The following SLC1A2 variants were observed in gnomAD, a reference collection of about 807,000 sequenced individuals.
SLC1A2 encodes the protein solute carrier family 1 member 2, also known as excitatory amino acid transporter 2.
Under a neutral mutation model 48.8 loss-of-function variants are expected in SLC1A2, and 15 were observed. The observed-to-expected ratio is 0.31, with a 90% CI of 0.21 to 0.47. The LOEUF (loss-of-function observed/expected upper bound fraction) is 0.47, where lower values mean the gene tolerates loss of function less well. Among genes scored for constraint, SLC1A2 ranks in the 20% least tolerant of loss-of-function variants. The pLI is 0.99. For missense variants in SLC1A2, 502 were observed against 730.5 expected (o/e 0.69, Z 3.61); for synonymous variants, 279 against 272.6 (o/e 1.02, Z -0.23).
chr11:35,290,821 C>T (rs1275464721), intron 7 of SLC1A2, among the ~76,000 whole-genome samples: 1 of 151,472 alleles, frequency 6.6e-6, no homozygotes, highest in African/African-American at 2.4e-5. Flanking sequence ...TGTTTTCCTT[C>T]ATCTTCGGAA....
At chr11:35,406,674 C>T (rs1242616082) in intron 1 of SLC1A2, among the ~76,000 whole-genome samples, 1 of 151,976 alleles carries the variant, frequency 6.6e-6, no homozygotes. Flanking sequence ...ACATTTCTGG[C>T]TTTGAATCTC....
chr11:35,402,858 A>G (rs538210713), intron 1 of SLC1A2, among the ~76,000 whole-genome samples: 5 of 152,238 alleles, frequency 3.3e-5, no homozygotes, highest in Non-Finnish European at 5.9e-5. Flanking sequence ...ACATAAGAGA[A>G]AAATCTTCAA....
At chr11:35,294,727 A>G (rs1171077551) in intron 6 of SLC1A2, among the ~76,000 whole-genome samples, 1 of 152,212 alleles carries the variant, frequency 6.6e-6, no homozygotes, top group African/African-American at 2.4e-5. Flanking sequence ...TTTGCCAAAA[A>G]AAGACTAGCT....
intron 1 of SLC1A2, among the ~76,000 whole-genome samples, chr11:35,375,172 T>A (rs1298592779): frequency 6.6e-6 from 1 of 152,096 alleles, no homozygotes; most frequent in Non-Finnish European, 1.5e-5. Context: ...AAAATAAAAA[T>A]AATAAAGTAG....
Position 35,280,153 on chromosome 11 carries a change from ATC to A in SLC1A2, c.1421+712_1421+713del, listed in dbSNP as rs1467569027. Among the ~76,000 whole-genome samples the A allele has an allele frequency of 5.9e-5, 9 of 151,622 alleles. No individual in the cohort carries two copies. The East Asian group carries it at 1.5e-3, about 26-fold the overall frequency. ...CTATACCTGGCCCAAGAAACCACTA[ATC>A]TCTTTCTTTTTTCTTTTTTTTTCTT... On this transcript the variant is annotated intron_variant, in intron 9 of 10. Transcript: ENST00000278379.
In SLC1A2 at chr11:35,293,033, T is replaced by G. The variant is rs527419529; in HGVS notation, c.858-513A>C. ...AACAAGGAAATCATCTGAGCCAAAATGTACATTTAGAGAAAAGTGGTTTTA... is the reference window on the plus strand; with the variant it reads ...AACAAGGAAATCATCTGAGCCAAAAGGTACATTTAGAGAAAAGTGGTTTTA... On this transcript the variant is annotated intron_variant, in intron 6 of 10. Transcript: ENST00000278379. Among the ~76,000 whole-genome samples the G allele has an allele frequency of 3.3e-5, 5 of 152,160 alleles. No individual in the cohort carries two copies. The South Asian group carries it at 1.0e-3, about 32-fold the overall frequency.
At chr11:35,386,708 ATG>A (rs908702176) in intron 1 of SLC1A2, among the ~76,000 whole-genome samples, 2 of 152,236 alleles carry the variant, frequency 1.3e-5, no homozygotes, top group African/African-American at 4.8e-5. Flanking sequence ...AAGGGGCTTA[ATG>A]TGTGTCAGGA....
intron 1 of SLC1A2, among the ~76,000 whole-genome samples, chr11:35,402,719 G>T (rs1034520889): frequency 6.6e-6 from 1 of 152,206 alleles, no homozygotes; most frequent in African/African-American, 2.4e-5. Context: ...CAATCTGTAG[G>T]ATAGCCATAG....
rs189563782 is a variant in SLC1A2 at position 35,279,320 on chromosome 11, T to A, written c.1421+1547A>T. On this transcript the variant is annotated intron_variant, in intron 9 of 10. Coordinates refer to ENST00000278379, the MANE Select transcript of SLC1A2 (RefSeq NM_004171.4). Reference sequence around the variant, plus strand: ...CTTGTCGAAGACCATCTGGTTAGACTTTCCCACCTTTGTGAATGGGCAGTG... The same window carrying A: ...CTTGTCGAAGACCATCTGGTTAGACATTCCCACCTTTGTGAATGGGCAGTG... Among the ~76,000 whole-genome samples, 5 of 152,384 alleles carry A rather than the reference T, an allele frequency of 3.3e-5. 1 individual carries two copies. Among genetic ancestry groups the A allele is most frequent in the Non-Finnish European group, 1.5e-5 (1 of 68,030 alleles).
At chr11:35,410,687 G>A (rs1885340) in intron 1 of SLC1A2, among the ~76,000 whole-genome samples, 104,703 of 151,950 alleles carry the variant, frequency 0.69, 36,622 homozygotes, top group African/African-American at 0.81. Flanking sequence ...GCCATGTCCC[G>A]TTCCAGCACA....
intron 5 of SLC1A2, 146 bp downstream of exon 5, chr11:35,305,928 A>C (rs1023229455): frequency 3.2e-6 from 2 of 627,680 alleles, no homozygotes; most frequent in African/African-American, 3.7e-5. Flanking sequence ...CTCAGCTCTC[A>C]GTCCCAGTGA....
intron 1 of SLC1A2, among the ~76,000 whole-genome samples, chr11:35,344,823 G>A (rs888323119): frequency 1.3e-5 from 2 of 152,136 alleles, no homozygotes; most frequent in Non-Finnish European, 1.5e-5. Context: ...CACAATCTTC[G>A]GCCTGCTCAC....
At chr11:35,269,791 G>A (rs756383978) in intron 9 of SLC1A2, among the ~76,000 whole-genome samples, 2 of 152,156 alleles carry the variant, frequency 1.3e-5, no homozygotes, top group Non-Finnish European at 2.9e-5. Flanking sequence ...AGACAGGAAT[G>A]GATGGAAGAC....
intron 9 of SLC1A2, among the ~76,000 whole-genome samples, chr11:35,276,557 TGGG>T (rs1850447444): frequency 6.6e-6 from 1 of 152,222 alleles, no homozygotes; most frequent in East Asian, 1.9e-4. Context: ...AGCACCTGCA[TGGG>T]GTGATCTGGG....
intron 9 of SLC1A2, chr11:35,280,588 C>A: frequency 2.6e-6 from 1 of 387,448 alleles, no homozygotes; most frequent in Non-Finnish European, 4.6e-6. Flanking sequence ...TTCTGAGATT[C>A]TTTGAATGCA....
At chr11:35,377,769 C>T (rs1418391541) in intron 1 of SLC1A2, among the ~76,000 whole-genome samples, 3 of 152,224 alleles carry the variant, frequency 2.0e-5, no homozygotes, top group Non-Finnish European at 4.4e-5. Context: ...CTTTGCCTGT[C>T]GTATTTGTCA....
rs774481790 is a variant in SLC1A2, at chr11:35,312,453, A to G, written c.311-5T>C. On this transcript the variant is annotated splice_polypyrimidine_tract_variant and splice_region_variant and intron_variant, in intron 3 of 10. Coordinates refer to ENST00000278379, the MANE Select transcript of SLC1A2 (RefSeq NM_004171.4). ...TAGCATCCAGGCCTGACAACCCTGGATTGAAAAGAAATGCAGAAGGATTAA... is the reference window on the plus strand; with the variant it reads ...TAGCATCCAGGCCTGACAACCCTGGGTTGAAAAGAAATGCAGAAGGATTAA... 8.1e-6 allele frequency: 13 copies of G among 1,613,672 alleles called. No individual in the cohort carries two copies. Among genetic ancestry groups the G allele is most frequent in the Non-Finnish European group, 1.1e-5 (13 of 1,179,584 alleles).
chr11:35,276,035 C>T (rs1009739457), intron 9 of SLC1A2, among the ~76,000 whole-genome samples: 2 of 152,190 alleles, frequency 1.3e-5, no homozygotes, highest in African/African-American at 4.8e-5. Flanking sequence ...GGATCCTCTA[C>T]CCTTCCTTTT....
intron 6 of SLC1A2, among the ~76,000 whole-genome samples, chr11:35,294,884 T>C (rs1177708862): frequency 6.6e-6 from 1 of 151,926 alleles, no homozygotes; most frequent in African/African-American, 2.4e-5. Context: ...GAAAGTGAAG[T>C]GTTAGGGTTT....
Sources: gnomAD v4.1 joint callset for allele counts (sites outside exome capture counted in the v4.1 genomes callset) on GRCh38, gnomAD v4.1.1 for gene constraint, MANE v1.5 for transcripts, NCBI Gene and HGNC (gene_info 2026-07-23, HGNC 2026-07-21) for gene names.